STXBP5L: variants seen among roughly 807,000 people sequenced by gnomAD.
The protein encoded by STXBP5L is syntaxin binding protein 5L.
Under a neutral mutation model 144.5 loss-of-function variants are expected in STXBP5L, and 65 were observed. The ratio of observed to expected loss-of-function variants is 0.45; its 90% CI spans 0.37 to 0.55. STXBP5L has a LOEUF of 0.55. Ranked by LOEUF, STXBP5L falls within the 20% of genes least tolerant of loss-of-function variation. The pLI is 0.00. For missense variants in STXBP5L, 1,298 were observed against 1,405.5 expected, an observed-to-expected ratio of 0.92 and a Z score of 1.22; for synonymous variants, 505 against 469.6, an observed-to-expected ratio of 1.08 and a Z score of -0.97.
chr3:121,302,562 TA>T (rs1362307440), intron 19 of STXBP5L, among the ~76,000 whole-genome samples: 12 of 152,344 alleles, frequency 7.9e-5, no homozygotes, highest in Admixed American at 7.2e-4. Flanking sequence ...GCTCTGATCT[TA>T]GTTATTTCTT....
intron 20 of STXBP5L, among the ~76,000 whole-genome samples, chr3:121,361,114 A>G (rs1433589592): frequency 6.6e-6 from 1 of 152,150 alleles, no homozygotes; most frequent in Non-Finnish European, 1.5e-5. Context: ...ATGTCATACT[A>G]CTTTCTCCTA....
intron 3 of STXBP5L, among the ~76,000 whole-genome samples, chr3:121,019,074 G>C (rs751820779): frequency 6.6e-6 from 1 of 152,156 alleles, no homozygotes. Flanking sequence ...AGGCTGCCTG[G>C]GAACTGGGTC....
intron 3 of STXBP5L, among the ~76,000 whole-genome samples, chr3:121,001,445 T>G (rs1433746422): frequency 6.6e-6 from 1 of 152,190 alleles, no homozygotes; most frequent in Non-Finnish European, 1.5e-5. Flanking sequence ...AAAAAATACC[T>G]AAGCCACCTG....
At chr3:121,403,632 C>T (rs1014260987) in intron 22 of STXBP5L, among the ~76,000 whole-genome samples, 13 of 152,046 alleles carry the variant, frequency 8.6e-5, no homozygotes, top group African/African-American at 3.1e-4. Context: ...AACTTACTTT[C>T]TATGGTAGAG....
chr3:121,278,900 G>GA (rs1185545965), intron 18 of STXBP5L, among the ~76,000 whole-genome samples: 1 of 151,332 alleles, frequency 6.6e-6, no homozygotes, highest in Non-Finnish European at 1.5e-5. Context: ...CATCTAGTAT[G>GA]GGTAGAAGTG....
intron 12 of STXBP5L, among the ~76,000 whole-genome samples, chr3:121,235,688 C>G (rs771711381): frequency 9.9e-5 from 15 of 152,168 alleles, no homozygotes; most frequent in Non-Finnish European, 1.8e-4. Flanking sequence ...TCTGGTACCT[C>G]TAGTTTAACC....
chr3:120,979,899 C>T (rs747929044), intron 3 of STXBP5L, among the ~76,000 whole-genome samples: 3 of 152,034 alleles, frequency 2.0e-5, no homozygotes, highest in Non-Finnish European at 4.4e-5. Flanking sequence ...TTGCTGTATC[C>T]TGTATGTTTT....
intron 3 of STXBP5L, among the ~76,000 whole-genome samples, chr3:121,028,285 T>G (rs1946098754): frequency 6.6e-6 from 1 of 151,922 alleles, no homozygotes; most frequent in South Asian, 2.1e-4. Flanking sequence ...AATAATAACT[T>G]TTTCAGGCTA....
chr3:121,379,471 C>T (rs189110699), intron 21 of STXBP5L, among the ~76,000 whole-genome samples: 1 of 152,074 alleles, frequency 6.6e-6, no homozygotes, highest in Non-Finnish European at 1.5e-5. Context: ...CTGCAACTGT[C>T]TTATTGATAA....
chr3:120,989,867 A>T (rs980212874), intron 3 of STXBP5L, among the ~76,000 whole-genome samples: 3 of 152,154 alleles, frequency 2.0e-5, no homozygotes, highest in Admixed American at 6.6e-5. Flanking sequence ...AATGGGCAAA[A>T]ACTTGAAGCA....
chr3:120,952,087 T>G (rs1401590153), intron 2 of STXBP5L, among the ~76,000 whole-genome samples: 1 of 146,890 alleles, frequency 6.8e-6, no homozygotes, highest in Non-Finnish European at 1.5e-5. Context: ...TTCTCACTCA[T>G]AGGTGGGAAT....
chr3:121,068,833 TC>T (rs2041671200), intron 5 of STXBP5L, among the ~76,000 whole-genome samples: 1 of 152,212 alleles, frequency 6.6e-6, no homozygotes, highest in South Asian at 2.1e-4. Flanking sequence ...TTTTCTTTAT[TC>T]TTTATTTTAC....
At chr3:120,989,513 C>A (rs1051611345) in intron 3 of STXBP5L, among the ~76,000 whole-genome samples, 1 of 151,926 alleles carries the variant, frequency 6.6e-6, no homozygotes, top group Non-Finnish European at 1.5e-5. Flanking sequence ...TGTTTGAATT[C>A]CTTGTAGATT....
At position 121,002,682 on chromosome 3, in the gene STXBP5L, C is replaced by A. The variant is rs985709460; in HGVS notation, c.288-39018C>A. ...AACTTGTCATTTTACATTAGGTATA[C>A]CTCCTAATGCAATCCCTCCCCCAGC... On this transcript the variant is annotated intron_variant, in intron 3 of 26. Transcript: ENST00000471454. Among the ~76,000 whole-genome samples the A allele has an allele frequency of 2.6e-4, 39 of 151,852 alleles. 1 individual carries two copies. Among genetic ancestry groups the A allele is most frequent in the Admixed American group, 5.3e-4 (8 of 15,230 alleles).
intron 3 of STXBP5L, among the ~76,000 whole-genome samples, chr3:121,030,643 C>G (rs1032967163): frequency 2.0e-5 from 3 of 152,050 alleles, no homozygotes; most frequent in Non-Finnish European, 2.9e-5. Context: ...CAAACCAGCA[C>G]GTTCTGCACC....
Position 121,233,682 on chromosome 3 carries a change from A to C in STXBP5L, c.1178A>C (p.Gln393Pro). The change falls in exon 12 of 27, where the codon CAA becomes CCA. Residue 393 changes from glutamine to proline, a missense_variant. By Grantham distance (76) the Gln-to-Pro change is moderately conservative (BLOSUM62 -1). Transcript: ENST00000471454. ...EKDLIVVDLT[Q>P]SNFPIFENPY... Reference sequence around the variant, plus strand: ...GATCTCATTGTAGTTGATCTGACACAAAGCAAGTAAGTTATCCATGTACAG... The same window carrying C: ...GATCTCATTGTAGTTGATCTGACACCAAGCAAGTAAGTTATCCATGTACAG... The C allele has an allele frequency of 6.2e-7, 1 of 1,610,596 alleles. No homozygotes were observed. Among genetic ancestry groups the C allele is most frequent in the East Asian group, 2.2e-5 (1 of 44,726 alleles).
chr3:121,387,048 G>A (rs147412655), intron 22 of STXBP5L, among the ~76,000 whole-genome samples: 19,312 of 152,000 alleles, frequency 0.13, 1,366 homozygotes, highest in Middle Eastern at 0.18. Context: ...CTATTTTTCC[G>A]CATCCTCTCC....
intron 6 of STXBP5L, 62 bp downstream of exon 6, chr3:121,115,121 T>G (rs1377765591): frequency 1.4e-6 from 2 of 1,470,504 alleles, no homozygotes; most frequent in Non-Finnish European, 1.8e-6. Context: ...ATGTAACATG[T>G]AGGTCAAATT....
intron 18 of STXBP5L, among the ~76,000 whole-genome samples, chr3:121,268,193 T>C (rs1338466134): frequency 6.6e-6 from 1 of 151,978 alleles, no homozygotes; most frequent in Non-Finnish European, 1.5e-5. Flanking sequence ...ATAAAGAAAA[T>C]GTGGCACATA....
Sources: gnomAD v4.1 joint callset for allele counts (sites outside exome capture counted in the v4.1 genomes callset) on GRCh38, gnomAD v4.1.1 for gene constraint, MANE v1.5 for transcripts, NCBI Gene and HGNC (gene_info 2026-07-23, HGNC 2026-07-21) for gene names.